The following CSMD3 variants were observed in gnomAD, a reference collection of about 807,000 sequenced individuals.
CSMD3 encodes CUB and sushi domain-containing protein 3.
In CSMD3, 177 loss-of-function variants were observed where a neutral mutation model predicts 435.2. The ratio of observed to expected loss-of-function variants is 0.41; its 90% CI spans 0.36 to 0.46. The LOEUF (loss-of-function observed/expected upper bound fraction) is 0.46. CSMD3 is among the 20% of genes least tolerant of loss of function. The probability of loss-of-function intolerance (pLI) is 0.34; values close to 1 mark genes in which losing one functional copy is unlikely to be tolerated. For missense variants in CSMD3, 4,265 were observed against 4,504.6 expected, an observed-to-expected ratio of 0.95 and a Z score of 1.52; for synonymous variants, 1,656 against 1,520.5, an observed-to-expected ratio of 1.09 and a Z score of -2.07.
chr8:112,884,891 A>G (rs1176024645), intron 10 of CSMD3, among the ~76,000 whole-genome samples: 5 of 151,788 alleles, frequency 3.3e-5, no homozygotes, highest in African/African-American at 1.2e-4. Flanking sequence ...CATAAATTAA[A>G]TACCTTTTTT....
intron 27 of CSMD3, among the ~76,000 whole-genome samples, chr8:112,532,182 C>T (rs2131078786): frequency 6.6e-6 from 1 of 151,362 alleles, no homozygotes; most frequent in African/African-American, 2.4e-5. Flanking sequence ...AATACACAGT[C>T]AAAGGATTAA....
At chr8:112,572,091 A>G (rs1027661881) in intron 24 of CSMD3, among the ~76,000 whole-genome samples, 1 of 152,042 alleles carries the variant, frequency 6.6e-6, no homozygotes, top group Non-Finnish European at 1.5e-5. Context: ...TATTTGAGCA[A>G]TAGTATATTG....
At chr8:112,251,681 T>C (rs1436734451) in intron 63 of CSMD3, among the ~76,000 whole-genome samples, 6 of 151,790 alleles carry the variant, frequency 4.0e-5, no homozygotes, top group Non-Finnish European at 7.4e-5. Context: ...GTTAAATATC[T>C]TGAGGCTAAA....
chr8:113,279,884 T>C (rs774612137), intron 2 of CSMD3, among the ~76,000 whole-genome samples: 1 of 151,690 alleles, frequency 6.6e-6, no homozygotes, highest in Non-Finnish European at 1.5e-5. Context: ...GATACTATGC[T>C]TCAAGATGTC....
intron 5 of CSMD3, among the ~76,000 whole-genome samples, chr8:113,067,880 G>A (rs1223061342): frequency 6.6e-6 from 1 of 152,028 alleles, no homozygotes; most frequent in Non-Finnish European, 1.5e-5. Flanking sequence ...CTCTCCCATA[G>A]CATTATCCTA....
At chr8:112,452,634 T>G (rs1194088002) in intron 32 of CSMD3, among the ~76,000 whole-genome samples, 1 of 152,220 alleles carries the variant, frequency 6.6e-6, no homozygotes, top group East Asian at 1.9e-4. Flanking sequence ...GAATTTTCAA[T>G]GACAATTTAA....
chr8:112,611,078 T>G (rs1288186283), intron 22 of CSMD3, among the ~76,000 whole-genome samples: 2 of 152,168 alleles, frequency 1.3e-5, no homozygotes, highest in Non-Finnish European at 2.9e-5. Context: ...TGTAAAATAA[T>G]TATATGAAGA....
chr8:112,505,347 G>A (rs1822387852), intron 29 of CSMD3, among the ~76,000 whole-genome samples: 1 of 152,096 alleles, frequency 6.6e-6, no homozygotes, highest in Non-Finnish European at 1.5e-5. Flanking sequence ...GAAGTCAGAA[G>A]ATTAAACTTT....
chr8:112,596,997 A>T (rs199524775), intron 22 of CSMD3, among the ~76,000 whole-genome samples: 1 of 152,120 alleles, frequency 6.6e-6, no homozygotes, highest in African/African-American at 2.4e-5. Flanking sequence ...GCTAGCAGAA[A>T]GCAAGAAATA....
At chr8:112,927,700 C>A (rs1319289369) in intron 9 of CSMD3, among the ~76,000 whole-genome samples, 2 of 152,076 alleles carry the variant, frequency 1.3e-5, no homozygotes, top group African/African-American at 4.8e-5. Context: ...TTCTTCAAAA[C>A]ATAATGAATA....
At chr8:112,896,105 T>G (rs1428939040) in intron 10 of CSMD3, among the ~76,000 whole-genome samples, 1 of 151,490 alleles carries the variant, frequency 6.6e-6, no homozygotes, top group Non-Finnish European at 1.5e-5. Flanking sequence ...GGTGAAGTGA[T>G]GCTGAATAAT....
chr8:112,828,553 C>A (rs528213210), intron 12 of CSMD3, among the ~76,000 whole-genome samples: 1 of 152,118 alleles, frequency 6.6e-6, no homozygotes, highest in Non-Finnish European at 1.5e-5. Context: ...GTAAGTTTCC[C>A]GAGGTCTCCC....
At chr8:112,625,893 T>C (rs1834437296) in intron 22 of CSMD3, among the ~76,000 whole-genome samples, 1 of 152,140 alleles carries the variant, frequency 6.6e-6, no homozygotes, top group African/African-American at 2.4e-5. Context: ...TTTTTGATGA[T>C]TACCAAAGAT....
At chr8:113,373,346 T>G (rs919557589) in intron 1 of CSMD3, among the ~76,000 whole-genome samples, 2 of 152,278 alleles carry the variant, frequency 1.3e-5, no homozygotes, top group Middle Eastern at 3.4e-3. Flanking sequence ...TGATGTTATA[T>G]TTGATTTTAT....
chr8:112,252,639 A>G (rs1180473297), intron 63 of CSMD3, among the ~76,000 whole-genome samples: 1 of 148,898 alleles, frequency 6.7e-6, no homozygotes, highest in Non-Finnish European at 1.5e-5. Context: ...ATTGTGTTAG[A>G]TCTATACAGA....
At chr8:113,077,196 T>C (rs1277362720) in intron 5 of CSMD3, among the ~76,000 whole-genome samples, 1 of 152,132 alleles carries the variant, frequency 6.6e-6, no homozygotes, top group Non-Finnish European at 1.5e-5. Flanking sequence ...TGTGATATCA[T>C]ACTATAGTTA....
intron 9 of CSMD3, among the ~76,000 whole-genome samples, chr8:112,943,228 G>A (rs887653798): frequency 2.0e-5 from 3 of 151,586 alleles, no homozygotes; most frequent in Non-Finnish European, 3.0e-5. Flanking sequence ...TATACAGAAT[G>A]TATTTTTATT....
chr8:113,028,109 T>G (rs1413135314), intron 5 of CSMD3, among the ~76,000 whole-genome samples: 1 of 152,148 alleles, frequency 6.6e-6, no homozygotes, highest in African/African-American at 2.4e-5. Flanking sequence ...CAATAACATA[T>G]TGTCACTTCA....
At chr8:112,417,526 T>C (rs956486462) in intron 32 of CSMD3, among the ~76,000 whole-genome samples, 1 of 152,194 alleles carries the variant, frequency 6.6e-6, no homozygotes, top group African/African-American at 2.4e-5. Context: ...TGAACTTTTA[T>C]GTGAGCATAT....
Sources: allele counts gnomAD v4.1 joint callset (sites outside exome capture counted in the v4.1 genomes callset), GRCh38; gene constraint gnomAD v4.1.1; transcripts MANE v1.5; gene names NCBI Gene and HGNC (gene_info 2026-07-23, HGNC 2026-07-21).